Variants in ASIC2 observed in about 807,000 individuals in gnomAD.
ASIC2 encodes the protein acid sensing ion channel subunit 2, also known as acid-sensing ion channel 2.
ASIC2 carries 25 observed loss-of-function variants against 57.3 expected under a neutral mutation model. The ratio of observed to expected loss-of-function variants is 0.44; its 90% confidence interval spans 0.32 to 0.61. The LOEUF (loss-of-function observed/expected upper bound fraction) is 0.61, where lower values mean the gene tolerates loss of function less well. Ranked by LOEUF, ASIC2 falls within the 20% of genes least tolerant of loss-of-function variation. The pLI is 0.06. For missense variants in ASIC2, 641 were observed against 738.1 expected (o/e 0.87, Z 1.52); for synonymous variants, 319 against 307.5 (o/e 1.04, Z -0.39).
chr17:33,552,465 T>A (rs10445386), intron 1 of ASIC2, among the ~76,000 whole-genome samples: 34,545 of 152,154 alleles, frequency 0.23, 4,697 homozygotes, highest in Non-Finnish European at 0.31. Flanking sequence ...AAATGGGAGG[T>A]AGCATGTAGC....
intron 1 of ASIC2, among the ~76,000 whole-genome samples, chr17:33,193,452 CT>C (rs1446474772): frequency 3.3e-5 from 5 of 152,172 alleles, no homozygotes; most frequent in Admixed American, 3.3e-4. Flanking sequence ...TACCATTTTC[CT>C]GTAAATGGCT....
intron 1 of ASIC2, among the ~76,000 whole-genome samples, chr17:33,918,035 AT>A (rs1915626457): frequency 6.6e-6 from 1 of 151,732 alleles, no homozygotes; most frequent in South Asian, 2.1e-4. Flanking sequence ...TGCCTTCCCA[AT>A]ATTATTTTTG....
At chr17:33,542,905 T>A (rs1187345943) in intron 1 of ASIC2, among the ~76,000 whole-genome samples, 1 of 151,790 alleles carries the variant, frequency 6.6e-6, no homozygotes. Context: ...CTTTAATCCA[T>A]CTTGAATTAA....
chr17:33,128,841 T>C (rs1380819945), intron 1 of ASIC2, among the ~76,000 whole-genome samples: 3 of 152,226 alleles, frequency 2.0e-5, no homozygotes. Context: ...GTAGTCACCA[T>C]ACTTCCATAA....
At chr17:34,012,742 A>G (rs9900656) in intron 1 of ASIC2, among the ~76,000 whole-genome samples, 19,510 of 151,398 alleles carry the variant, frequency 0.13, 3,697 homozygotes, top group African/African-American at 0.42. Flanking sequence ...AAATTCCCGG[A>G]GACTACCACA....
At chr17:34,064,207 C>A (rs1230056705) in intron 1 of ASIC2, among the ~76,000 whole-genome samples, 2 of 152,078 alleles carry the variant, frequency 1.3e-5, no homozygotes, top group African/African-American at 4.8e-5. Context: ...GAATAGAGAA[C>A]CCAGAAATAA....
chr17:33,698,676 CAACA>C (rs1908604453), intron 1 of ASIC2, among the ~76,000 whole-genome samples: 1 of 152,176 alleles, frequency 6.6e-6, no homozygotes, highest in Middle Eastern at 3.4e-3. Context: ...GATGAGGTTT[CAACA>C]AACTGATGGA....
chr17:33,125,519 T>C (rs2092319720), intron 1 of ASIC2, among the ~76,000 whole-genome samples: 1 of 152,212 alleles, frequency 6.6e-6, no homozygotes, highest in African/African-American at 2.4e-5. Flanking sequence ...TTTTAGTTCA[T>C]TCAACATCTA....
chr17:33,307,525 G>T (rs1376748920), intron 1 of ASIC2, among the ~76,000 whole-genome samples: 1 of 152,146 alleles, frequency 6.6e-6, no homozygotes, highest in Non-Finnish European at 1.5e-5. Flanking sequence ...GGCCAGACTA[G>T]TCTCGAACTC....
intron 1 of ASIC2, among the ~76,000 whole-genome samples, chr17:33,898,679 C>T (rs1481477457): frequency 6.6e-6 from 1 of 152,068 alleles, no homozygotes; most frequent in Non-Finnish European, 1.5e-5. Flanking sequence ...CTTCAAAATC[C>T]AATCCAAGAT....
chr17:33,116,892 C>T, intron 1 of ASIC2, among the ~76,000 whole-genome samples: 1 of 152,032 alleles, frequency 6.6e-6, no homozygotes, highest in Non-Finnish European at 1.5e-5. Context: ...CTTTGTCACC[C>T]AGGCTGGAAT....
intron 1 of ASIC2, among the ~76,000 whole-genome samples, chr17:33,392,305 G>A (rs931153057): frequency 5.4e-5 from 8 of 148,666 alleles, no homozygotes; most frequent in African/African-American, 2.0e-4. Context: ...CTGTTACCCA[G>A]GCTGGAGTGC....
At chr17:33,157,239 C>T (rs904530991) in intron 1 of ASIC2, among the ~76,000 whole-genome samples, 2 of 152,240 alleles carry the variant, frequency 1.3e-5, no homozygotes, top group Middle Eastern at 3.4e-3. Flanking sequence ...GGGCTTCTGA[C>T]AAAATGAAGG....
chr17:33,555,486 C>T (rs1597782910), intron 1 of ASIC2, among the ~76,000 whole-genome samples: 4 of 152,000 alleles, frequency 2.6e-5, no homozygotes, highest in East Asian at 3.9e-4. Context: ...AATTTGCTTG[C>T]TACTCTAGAA....
chr17:33,296,587 T>C (rs376438238), upstream of ASIC2, among the ~76,000 whole-genome samples: 5 of 152,222 alleles, frequency 3.3e-5, no homozygotes, highest in African/African-American at 1.2e-4. Flanking sequence ...TCACCATGCC[T>C]GGTGTTCTGG....
At chr17:34,014,174 T>C (rs1456575977) in intron 1 of ASIC2, among the ~76,000 whole-genome samples, 1 of 152,208 alleles carries the variant, frequency 6.6e-6, no homozygotes, top group Non-Finnish European at 1.5e-5. Flanking sequence ...CAGCTCTTTA[T>C]GTGAATTAAC....
chr17:33,886,926 C>T (rs1399230221), intron 1 of ASIC2, among the ~76,000 whole-genome samples: 1 of 149,212 alleles, frequency 6.7e-6, no homozygotes, highest in African/African-American at 2.5e-5. Context: ...AGGTAGATAC[C>T]AAAGGCAGAA....
chr17:34,035,077 G>A (rs568710734), intron 1 of ASIC2, among the ~76,000 whole-genome samples: 2 of 150,518 alleles, frequency 1.3e-5, no homozygotes, highest in Non-Finnish European at 2.9e-5. Flanking sequence ...CCAAAAGAAA[G>A]CTGGAGGCAT....
chr17:33,516,010 T>A (rs1406195884), intron 1 of ASIC2, among the ~76,000 whole-genome samples: 2 of 151,456 alleles, frequency 1.3e-5, no homozygotes, highest in African/African-American at 2.4e-5. Context: ...ATGGCTGAAG[T>A]AGGAGGGTAG....
Sources: allele counts gnomAD v4.1 joint callset (sites outside exome capture counted in the v4.1 genomes callset), GRCh38; gene constraint gnomAD v4.1.1; transcripts MANE v1.5; gene names NCBI Gene and HGNC (gene_info 2026-07-23, HGNC 2026-07-21).